FRMD6: variants seen among roughly 807,000 people sequenced by gnomAD.
FRMD6 encodes FERM domain containing 6.
In FRMD6, 37 loss-of-function variants were observed where a neutral mutation model predicts 73.2. That is an observed-to-expected ratio of 0.51 (90% CI 0.39 to 0.66). The LOEUF (loss-of-function observed/expected upper bound fraction) is 0.66. FRMD6 is among the 30% of genes least tolerant of loss of function. The pLI is 0.00. For synonymous variants in FRMD6, 273 were observed against 282.2 expected (o/e 0.97, Z 0.33); for missense variants, 714 against 780.5 (o/e 0.91, Z 1.02).
chr14:51,505,240 T>G (rs1351972911), intron 1 of FRMD6, among the ~76,000 whole-genome samples: 2 of 152,226 alleles, frequency 1.3e-5, no homozygotes, highest in Non-Finnish European at 2.9e-5. Flanking sequence ...TTTATTTATT[T>G]TTAAACTTTT....
intron 2 of FRMD6, among the ~76,000 whole-genome samples, chr14:51,697,136 C>T (rs138865424): frequency 1.0e-3 from 157 of 152,218 alleles, no homozygotes; most frequent in African/African-American, 3.5e-3. Flanking sequence ...ATAGTACTAC[C>T]ATATGATCCT....
chr14:51,602,217 G>A (rs1449952797), intron 2 of FRMD6, among the ~76,000 whole-genome samples: 3 of 152,210 alleles, frequency 2.0e-5, no homozygotes, highest in Non-Finnish European at 2.9e-5. Context: ...AACTCTGGGA[G>A]AGGGTGGCCA....
At chr14:51,426,472 GT>G in the FRMD6 span, among the ~76,000 whole-genome samples, 2 of 152,160 alleles carry the variant, frequency 1.3e-5, no homozygotes, top group East Asian at 1.9e-4. Context: ...TTGTACTATA[GT>G]TTTTTTAATA....
chr14:51,442,116 A>G, the FRMD6 span, among the ~76,000 whole-genome samples: 1 of 152,218 alleles, frequency 6.6e-6, no homozygotes, highest in African/African-American at 2.4e-5. Context: ...TGTGAAGCAC[A>G]TTAAATGTTT....
the FRMD6 span, among the ~76,000 whole-genome samples, chr14:51,400,280 G>A: frequency 3.9e-4 from 59 of 152,078 alleles, no homozygotes; most frequent in African/African-American, 1.3e-3. Flanking sequence ...CCCATCTACC[G>A]CTCTACTCCC....
chr14:51,522,482 A>G (rs1207382430), intron 1 of FRMD6, among the ~76,000 whole-genome samples: 1 of 152,168 alleles, frequency 6.6e-6, no homozygotes, highest in Non-Finnish European at 1.5e-5. Flanking sequence ...CCATATTGCT[A>G]TTATAAAACC....
intron 2 of FRMD6, among the ~76,000 whole-genome samples, chr14:51,638,833 A>G (rs1333278879): frequency 6.6e-6 from 1 of 152,192 alleles, no homozygotes. Flanking sequence ...TTCTTGCCAA[A>G]TGACCTCACA....
intron 1 of FRMD6, among the ~76,000 whole-genome samples, chr14:51,523,971 A>G (rs541344779): frequency 9.2e-5 from 14 of 152,244 alleles, no homozygotes; most frequent in South Asian, 4.1e-4. Context: ...TGTGCTAGCA[A>G]TATCAGGGAT....
rs1231764590 is a variant in FRMD6, at chr14:51,730,594, T to C, written c.*2565T>C. 1.3e-5 allele frequency: 2 copies of C among 152,578 alleles called. No individual in the cohort carries two copies. The highest frequency in any genetic ancestry group is 2.9e-5 in the Non-Finnish European group (2 of 68,032). The allele number at this position is 152,578 out of a possible 1,614,324, so 9.5% of individuals were successfully genotyped here. On this transcript the variant is annotated 3_prime_UTR_variant, in exon 14 of 14. Transcript: ENST00000344768. ...ATCTACATAAACTGTAAATAATCCTTTCTGTGAAAGGATCATCATATCAAG... is the reference window on the plus strand; with the variant it reads ...ATCTACATAAACTGTAAATAATCCTCTCTGTGAAAGGATCATCATATCAAG...
At chr14:51,658,134 G>A (rs147393854) in intron 1 of FRMD6, among the ~76,000 whole-genome samples, 27 of 152,292 alleles carry the variant, frequency 1.8e-4, no homozygotes, top group Admixed American at 7.2e-4. Context: ...GAGTCCATTG[G>A]GGGGCTCACT....
chr14:51,486,762 AG>A (rs1882768806), upstream of FRMD6, among the ~76,000 whole-genome samples: 1 of 152,196 alleles, frequency 6.6e-6, no homozygotes, highest in South Asian at 2.1e-4. Context: ...GGAAGATGCC[AG>A]TCATTCTCTC....
At chr14:51,436,695 T>A in the FRMD6 span, 10 of 528,650 alleles carry the variant, frequency 1.9e-5, no homozygotes, top group Middle Eastern at 1.2e-3. Flanking sequence ...GGAGAGGTCA[T>A]CAAAGATGAT....
intron 1 of FRMD6, among the ~76,000 whole-genome samples, chr14:51,497,096 G>A (rs1233795796): frequency 6.6e-6 from 1 of 152,026 alleles, no homozygotes; most frequent in Non-Finnish European, 1.5e-5. Context: ...GCAGTAATTG[G>A]TCCATAGTAA....
chr14:51,569,507 C>CTTTTTTTTTTTTTTTTT (rs34661155), intron 1 of FRMD6, among the ~76,000 whole-genome samples: 11 of 122,798 alleles, frequency 9.0e-5, no homozygotes, highest in African/African-American at 9.1e-5. Flanking sequence ...TTCTTTCTTT[C>CTTTTTTTTTTTTTTTTT]TTTTTTTTTT....
At position 51,720,126 on chromosome 14, in the gene FRMD6, T is replaced by C; in HGVS notation, c.1096T>C (p.Ser366Pro). Residue 366 changes from serine (S) to proline (P), a missense_variant, in exon 11 of 14, where the codon TCG becomes CCG. Transcript: ENST00000344768. ...DLDMDQLEKR[S>P]RASGSSAGSM... ...CGACATGGACCAGCTGGAAAAACGGTCGCGGGCCAGCGGGAGCAGTGCGGG... is the reference window on the plus strand; with the variant it reads ...CGACATGGACCAGCTGGAAAAACGGCCGCGGGCCAGCGGGAGCAGTGCGGG... 6.2e-7 allele frequency: 1 copy of C among 1,613,702 alleles called. No homozygotes were observed. Among genetic ancestry groups the C allele is most frequent in the Non-Finnish European group, 8.5e-7 (1 of 1,180,004 alleles).
chr14:51,657,403 T>G (rs1892909810), intron 1 of FRMD6, among the ~76,000 whole-genome samples: 1 of 152,234 alleles, frequency 6.6e-6, no homozygotes, highest in Admixed American at 6.5e-5. Flanking sequence ...AGGATAACCA[T>G]TATGCTGACT....
chr14:51,653,732 G>C (rs958410563), intron 1 of FRMD6, among the ~76,000 whole-genome samples: 2 of 152,128 alleles, frequency 1.3e-5, no homozygotes, highest in African/African-American at 2.4e-5. Context: ...CTCAGGTGTG[G>C]CTTTGAGAAA....
At chr14:51,552,187 T>C (rs1396341774) in intron 1 of FRMD6, among the ~76,000 whole-genome samples, 2 of 152,204 alleles carry the variant, frequency 1.3e-5, no homozygotes, top group Non-Finnish European at 2.9e-5. Context: ...AAAGTTCACA[T>C]GGAAAAAAAG....
chr14:51,444,775 T>G, the FRMD6 span, among the ~76,000 whole-genome samples: 1 of 152,178 alleles, frequency 6.6e-6, no homozygotes, highest in Admixed American at 6.5e-5. Context: ...AGAAACCCTG[T>G]GCAACTGATA....
Sources: gnomAD v4.1 joint callset for allele counts (sites outside exome capture counted in the v4.1 genomes callset) on GRCh38, gnomAD v4.1.1 for gene constraint, MANE v1.5 for transcripts, NCBI Gene and HGNC (gene_info 2026-07-23, HGNC 2026-07-21) for gene names.